ING5: variants seen among roughly 807,000 people sequenced by gnomAD.
ING5 encodes the protein inhibitor of growth protein 5.
In ING5, 17 loss-of-function variants were observed where a neutral mutation model predicts 37.4. That is an observed-to-expected ratio of 0.45 (90% CI 0.31 to 0.68). The LOEUF (loss-of-function observed/expected upper bound fraction) is 0.68, where lower values mean the gene tolerates loss of function less well. Ranked by LOEUF, ING5 falls within the 30% of genes least tolerant of loss-of-function variation. The pLI, the probability that ING5 is intolerant of heterozygous loss-of-function variation, is 0.05. For missense variants in ING5, 233 were observed against 311.9 expected (o/e 0.75, Z 1.91); for synonymous variants, 123 against 116.6 (o/e 1.06, Z -0.36).
intron 3 of ING5, 44 bp from the exon 4 acceptor site, chr2:241,711,333 T>C: frequency 7.4e-7 from 1 of 1,357,632 alleles, no homozygotes; most frequent in Non-Finnish European, 9.8e-7. Context: ...TTCTGAGGTG[T>C]TTTGGTTTTA....
At chr2:241,693,738 A>C (rs1575114579) in intron 2 of ING5, among the ~76,000 whole-genome samples, 1 of 138,528 alleles carries the variant, frequency 7.2e-6, no homozygotes, top group African/African-American at 2.6e-5. Flanking sequence ...GCTAACTGCA[A>C]CCTCCACCTC....
chr2:241,700,123 C>T (rs2069690443), upstream of ING5, among the ~76,000 whole-genome samples: 1 of 147,900 alleles, frequency 6.8e-6, no homozygotes, highest in South Asian at 2.1e-4. Context: ...GCTGGGATTA[C>T]AGGCACCAGC....
Position 241,717,041 on chromosome 2 carries a change from A to G in ING5, c.482+4970A>G, listed in dbSNP as rs2070293235. On this transcript the variant is annotated intron_variant, in intron 5 of 7. Coordinates refer to ENST00000313552, the MANE Select transcript of ING5 (RefSeq NM_032329.6). ...TCACCACAAAAGTCACCCCATATATAGTTACCTCATATAGTTGCCATTTCT... is the reference window on the plus strand; with the variant it reads ...TCACCACAAAAGTCACCCCATATATGGTTACCTCATATAGTTGCCATTTCT... Among the ~76,000 whole-genome samples the G allele has an allele frequency of 2.0e-5, 3 of 151,934 alleles. No homozygotes were observed. In the South Asian group the frequency reaches 6.2e-4, roughly 31 times the overall value.
At chr2:241,704,988 T>A (rs1559301093) in intron 2 of ING5, among the ~76,000 whole-genome samples, 1 of 152,270 alleles carries the variant, frequency 6.6e-6, no homozygotes, top group Non-Finnish European at 1.5e-5. Flanking sequence ...GCCAATTTTT[T>A]CTTTTAAATA....
chr2:241,719,585 C>T, intron 5 of ING5: 5 of 1,536,124 alleles, frequency 3.3e-6, no homozygotes, highest in Non-Finnish European at 4.4e-6. Flanking sequence ...CTCCTGGTCT[C>T]TTCCTCACCC....
chr2:241,689,344 G>A (rs2069512454), intron 1 of ING5, among the ~76,000 whole-genome samples: 1 of 151,656 alleles, frequency 6.6e-6, no homozygotes, highest in African/African-American at 2.4e-5. Context: ...TCCTGACCTC[G>A]GGTGATCCGC....
chr2:241,721,068 G>C, intron 5 of ING5: 1 of 985,606 alleles, frequency 1.0e-6, no homozygotes, highest in Non-Finnish European at 1.2e-6. Flanking sequence ...GGGCTTTGTG[G>C]ACAGAATTGG....
chr2:241,720,140 C>A (rs1457240428), intron 5 of ING5: 4 of 1,237,310 alleles, frequency 3.2e-6, no homozygotes, highest in East Asian at 3.1e-5. Flanking sequence ...TCGGTTGGAC[C>A]CAAAGCCTGG....
chr2:241,688,781 G>A lies in ING5; in HGVS notation c.-774+719G>A, dbSNP rs189340464. 9.9e-4 allele frequency among the ~76,000 whole-genome samples: 150 copies of A among 151,158 alleles called. 1 individual carries two copies. Among genetic ancestry groups the A allele is most frequent in the African/African-American group, 3.3e-3 (137 of 41,094 alleles). On this transcript the variant is annotated intron_variant, in intron 1 of 7. Transcript: ENST00000636051. ...TGGGATTACAGGCGCCCACCACCAC[G>A]CCCGGCTAATTTTTGTATTTTTATT...
At chr2:241,723,732 C>T (rs1374419440) in intron 7 of ING5, 1 of 1,595,386 alleles carries the variant, frequency 6.3e-7, no homozygotes, top group East Asian at 2.2e-5. Context: ...GGTGTGTTTT[C>T]TCTACCTGAC....
rs1691568037 is a variant in ING5 at position 241,725,266 on chromosome 2, G to A, written c.*235G>A. The A allele has an allele frequency of 1.8e-6, 1 of 551,200 alleles. No homozygotes were observed. The highest frequency in any genetic ancestry group is 3.3e-6 in the Non-Finnish European group (1 of 306,224). 34.1% of individuals were successfully genotyped at this position (551,200 alleles called of 1,614,324 possible). A position where few individuals can be genotyped will look rare whatever the true frequency, so the allele number is the denominator to read the frequency against. ...GTGTGGCTTTTACAGGACTCCCCCC[G>A]AGCATCAGCAGGGACCCCGGCGGAC... On this transcript the variant is annotated 3_prime_UTR_variant, in exon 8 of 8. Transcript: ENST00000313552.
chr2:241,700,765 A>G (rs1484556616), upstream of ING5, among the ~76,000 whole-genome samples: 2 of 152,070 alleles, frequency 1.3e-5, no homozygotes, highest in African/African-American at 2.4e-5. Flanking sequence ...AGCTGGGAGT[A>G]CAGGCGCCCG....
intron 2 of ING5, among the ~76,000 whole-genome samples, chr2:241,707,320 C>T (rs1415306646): frequency 6.6e-6 from 1 of 151,544 alleles, no homozygotes; most frequent in African/African-American, 2.4e-5. Flanking sequence ...GATGGAGTTT[C>T]GCTCTTGTTG....
In ING5 at chr2:241,725,257, A is replaced by C; in HGVS notation, c.*226A>C. On this transcript the variant is annotated 3_prime_UTR_variant, in exon 8 of 8. Coordinates refer to ENST00000313552, the MANE Select transcript of ING5 (RefSeq NM_032329.6). ...GCGACCTCAGTGTGGCTTTTACAGG[A>C]CTCCCCCCGAGCATCAGCAGGGACC... The C allele has an allele frequency of 7.3e-6, 4 of 545,998 alleles. No individual in the cohort carries two copies. Among genetic ancestry groups the C allele is most frequent in the East Asian group, 3.1e-5 (1 of 31,964 alleles). The allele number at this position is 545,998 out of a possible 1,614,324, so 33.8% of individuals were successfully genotyped here.
At chr2:241,720,189 G>A in intron 5 of ING5, 1 of 1,234,578 alleles carries the variant, frequency 8.1e-7, no homozygotes, top group South Asian at 4.1e-5. Flanking sequence ...TGCCTCCAAG[G>A]GCATCATCCT....
At chr2:241,715,762 C>T (rs1001475260) in intron 5 of ING5, among the ~76,000 whole-genome samples, 1 of 151,212 alleles carries the variant, frequency 6.6e-6, no homozygotes, top group Non-Finnish European at 1.5e-5. Flanking sequence ...ACTGGGATTA[C>T]AGGCGTGAGC....
rs993759406 is a variant in ING5 at position 241,720,059 on chromosome 2, C to T, written c.483-2880C>T. 1.4e-5 allele frequency: 17 copies of T among 1,241,314 alleles called. No homozygotes were observed. The South Asian group carries it at 1.6e-4, about 12-fold the overall frequency. 76.9% of individuals were successfully genotyped at this position (1,241,314 alleles called of 1,614,324 possible). ...TGAAGCTGGGCTCTGACGTCCAAGG[C>T]GCCAAGGAGGCCCCTTCCAGAGGGA... On this transcript the variant is annotated intron_variant, in intron 5 of 7. Transcript: ENST00000313552.
chr2:241,722,186 C>G, intron 5 of ING5: 1 of 985,376 alleles, frequency 1.0e-6, no homozygotes, highest in Non-Finnish European at 1.2e-6. Context: ...GTGCGGGCTG[C>G]TCTGACACCT....
chr2:241,714,083 G>A (rs1422518839), intron 5 of ING5, among the ~76,000 whole-genome samples: 7 of 151,862 alleles, frequency 4.6e-5, no homozygotes, highest in African/African-American at 9.7e-5. Context: ...ATTAATTTCC[G>A]TAAAGTGAAG....
Sources: allele counts gnomAD v4.1 joint callset (sites outside exome capture counted in the v4.1 genomes callset), GRCh38; gene constraint gnomAD v4.1.1; transcripts MANE v1.5; gene names NCBI Gene and HGNC (gene_info 2026-07-23, HGNC 2026-07-21).